INSYN2B: variants seen among roughly 807,000 people sequenced by gnomAD.
The protein encoded by INSYN2B is inhibitory synaptic factor family member 2B.
A neutral mutation model predicts 41.2 loss-of-function variants in INSYN2B; 16 were observed. The observed-to-expected ratio is 0.39, with a 90% CI of 0.26 to 0.59. INSYN2B has a LOEUF of 0.59. Among genes scored for constraint, INSYN2B ranks in the 20% least tolerant of loss-of-function variants. The pLI is 0.57. For synonymous variants in INSYN2B, 245 were observed against 244.4 expected (o/e 1.00, Z -0.02); for missense variants, 608 against 646.4 (o/e 0.94, Z 0.64).
At chr5:169,979,002 T>G (rs1195351642) in intron 1 of INSYN2B, among the ~76,000 whole-genome samples, 1 of 152,172 alleles carries the variant, frequency 6.6e-6, no homozygotes, top group Non-Finnish European at 1.5e-5. Context: ...GAATTCTGTT[T>G]TAAGAAGCAA....
chr5:169,905,044 C>A (rs574571037), intron 1 of INSYN2B, among the ~76,000 whole-genome samples: 3 of 152,164 alleles, frequency 2.0e-5, no homozygotes, highest in Admixed American at 6.5e-5. Context: ...TCATGACACT[C>A]TCATGGGGCT....
rs1393965789 is a variant in INSYN2B, at chr5:169,883,436, G to T, written c.463C>A (p.Gln155Lys). Residue 155 changes from glutamine (Q) to lysine (K), a missense_variant, in exon 2 of 4, where the codon CAG (glutamine) becomes AAG (lysine). Gln to Lys is a moderately conservative substitution (Grantham distance 53). Transcript: ENST00000377365. ...CTTCGAGGCCCATCCTCAAGATGCT[G>T]AGCCAACCTTAAGTAGGCAAGGTCA... ...SSDLAYLRLA[Q>K]HLEDGPRRVK... 4 of 1,551,554 alleles carry T rather than the reference G, an allele frequency of 2.6e-6. No individual in the cohort carries two copies. The highest frequency in any genetic ancestry group is 3.5e-6 in the Non-Finnish European group (4 of 1,146,972).
chr5:169,944,652 C>T (rs1398912498), intron 1 of INSYN2B, among the ~76,000 whole-genome samples: 1 of 152,200 alleles, frequency 6.6e-6, no homozygotes, highest in African/African-American at 2.4e-5. Flanking sequence ...CCCCACTTCA[C>T]AATGATTGGG....
chr5:169,944,100 T>A (rs1441865591), intron 1 of INSYN2B, among the ~76,000 whole-genome samples: 1 of 152,168 alleles, frequency 6.6e-6, no homozygotes, highest in African/African-American at 2.4e-5. Flanking sequence ...ATTATGTCAT[T>A]TAACACTAAC....
At chr5:169,916,553 T>G (rs1330766530) in intron 1 of INSYN2B, among the ~76,000 whole-genome samples, 1 of 152,186 alleles carries the variant, frequency 6.6e-6, no homozygotes, top group Non-Finnish European at 1.5e-5. Context: ...GTGCCTCCCT[T>G]ATTTATAAAG....
At chr5:169,909,252 G>T (rs1774460118) in intron 1 of INSYN2B, among the ~76,000 whole-genome samples, 1 of 152,014 alleles carries the variant, frequency 6.6e-6, no homozygotes, top group Non-Finnish European at 1.5e-5. Flanking sequence ...TTAGTTCCTG[G>T]GTCACATTAG....
intron 1 of INSYN2B, among the ~76,000 whole-genome samples, chr5:169,961,457 T>G (rs936658514): frequency 4.6e-5 from 7 of 152,240 alleles, no homozygotes; most frequent in Admixed American, 1.3e-4. Context: ...CTGAGCATAA[T>G]GTTTGAAATT....
At chr5:169,877,416 A>G (rs147939440) in intron 3 of INSYN2B, among the ~76,000 whole-genome samples, 12 of 152,298 alleles carry the variant, frequency 7.9e-5, no homozygotes, top group Non-Finnish European at 1.8e-4. Context: ...CGGCAGAGGA[A>G]TTGGAGTGAA....
At position 169,884,063 on chromosome 5, in the gene INSYN2B, G is replaced by T; in HGVS notation, c.-165C>A. ...TGGGAAATCCTGTTGGCCATTCCCA[G>T]CCTCTAGAGTCTACGTAGGAACTAT... On this transcript the variant is annotated 5_prime_UTR_variant, in exon 2 of 4. It adds an upstream start codon to the 5' untranslated region. Coordinates refer to ENST00000377365, the MANE Select transcript of INSYN2B (RefSeq NM_001129891.3). The T allele has an allele frequency of 1.9e-6, 1 of 529,638 alleles. No homozygotes were observed. Among genetic ancestry groups the T allele is most frequent in the Non-Finnish European group, 3.2e-6 (1 of 317,134 alleles). 32.8% of individuals were successfully genotyped at this position (529,638 alleles called of 1,614,324 possible). A position where few individuals can be genotyped will look rare whatever the true frequency, so the allele number is the denominator to read the frequency against.
chr5:169,908,083 GAAC>G (rs1463666144), intron 1 of INSYN2B, among the ~76,000 whole-genome samples: 1 of 152,152 alleles, frequency 6.6e-6, no homozygotes, highest in Admixed American at 6.5e-5. Context: ...AGCTTTCATT[GAAC>G]AACAGAGCAA....
chr5:169,915,645 T>C lies in INSYN2B; in HGVS notation c.-918-30829A>G, dbSNP rs567607875. Among the ~76,000 whole-genome samples the C allele has an allele frequency of 9.7e-4, 144 of 149,124 alleles. 2 individuals are homozygous for C. Among genetic ancestry groups the C allele is most frequent in the Middle Eastern group, 7.2e-3 (2 of 276 alleles). On this transcript the variant is annotated intron_variant, in intron 1 of 3. Transcript: ENST00000377365. ...GAGAGAGACAGAGACAGACAGAGAC[T>C]GAACAGATTATTTCTCCACTGATGT...
intron 1 of INSYN2B, among the ~76,000 whole-genome samples, chr5:169,964,202 AC>A (rs1368111891): frequency 6.6e-6 from 1 of 152,204 alleles, no homozygotes; most frequent in Non-Finnish European, 1.5e-5. Context: ...CAGGAGAATT[AC>A]ATTCTGTGCT....
chr5:169,921,531 T>C (rs140540550), intron 1 of INSYN2B, among the ~76,000 whole-genome samples: 29 of 152,298 alleles, frequency 1.9e-4, no homozygotes, highest in African/African-American at 7.0e-4. Context: ...ATTTGGAAAA[T>C]GTTGCCTCTT....
intron 1 of INSYN2B, among the ~76,000 whole-genome samples, chr5:169,916,650 A>G (rs1239229111): frequency 6.7e-6 from 1 of 150,360 alleles, no homozygotes; most frequent in Non-Finnish European, 1.5e-5. Flanking sequence ...CATAGTAGGT[A>G]TTAGGTTAGG....
At chr5:169,943,499 A>T (rs1461513887) in intron 1 of INSYN2B, among the ~76,000 whole-genome samples, 1 of 152,224 alleles carries the variant, frequency 6.6e-6, no homozygotes, top group Non-Finnish European at 1.5e-5. Context: ...TCTCTTGAGA[A>T]AACAGAAGGT....
At chr5:169,882,145 C>G (rs972460894) in intron 2 of INSYN2B, among the ~76,000 whole-genome samples, 2 of 152,142 alleles carry the variant, frequency 1.3e-5, no homozygotes, top group Admixed American at 6.5e-5. Flanking sequence ...TCCTTTGTCA[C>G]AATGACATGA....
intron 1 of INSYN2B, among the ~76,000 whole-genome samples, chr5:169,928,120 G>C (rs1047576890): frequency 2.0e-5 from 3 of 152,162 alleles, no homozygotes; most frequent in African/African-American, 7.2e-5. Context: ...GTTCCTTCAG[G>C]CCTTCCCAGC....
chr5:169,886,416 G>A (rs1772974298), intron 1 of INSYN2B, among the ~76,000 whole-genome samples: 1 of 152,170 alleles, frequency 6.6e-6, no homozygotes, highest in Non-Finnish European at 1.5e-5. Flanking sequence ...TTAGGTCTGG[G>A]AGAATCCCAG....
intron 1 of INSYN2B, among the ~76,000 whole-genome samples, chr5:169,887,893 G>T (rs1773063184): frequency 1.3e-5 from 2 of 152,112 alleles, no homozygotes; most frequent in African/African-American, 2.4e-5. Context: ...TTGTTACTGT[G>T]CCTGGTCAAT....
Sources: allele counts gnomAD v4.1 joint callset (sites outside exome capture counted in the v4.1 genomes callset), GRCh38; gene constraint gnomAD v4.1.1; transcripts MANE v1.5; gene names NCBI Gene and HGNC (gene_info 2026-07-23, HGNC 2026-07-21).